Variants in MOB3B observed in about 807,000 individuals in gnomAD.
MOB3B encodes the protein MOB kinase activator-like 2B.
MOB3B carries 7 observed loss-of-function variants against 18.7 expected under a neutral mutation model. That is an observed-to-expected ratio of 0.37 (90% CI 0.21 to 0.70). The LOEUF (loss-of-function observed/expected upper bound fraction) is 0.70. Among genes scored for constraint, MOB3B ranks in the 30% least tolerant of loss-of-function variants. MOB3B has a pLI of 0.52. For missense variants in MOB3B, 253 were observed against 281.3 expected (o/e 0.90, Z 0.72); for synonymous variants, 111 against 99.9 (o/e 1.11, Z -0.66).
intron 2 of MOB3B, among the ~76,000 whole-genome samples, chr9:27,419,702 C>T (rs1822210646): frequency 1.3e-5 from 2 of 152,144 alleles, no homozygotes; most frequent in African/African-American, 4.8e-5. Context: ...TATAAAAATT[C>T]TAGAAGATAA....
At position 27,455,721 on chromosome 9, in the gene MOB3B, G is replaced by A; in HGVS notation, c.-171C>T. ...AGCCCCTTCCATCTTCCTCTTGAAT[G>A]ATTTCCAAGGGAACCTCATGTTCTT... On this transcript the variant is annotated 5_prime_UTR_variant, in exon 2 of 4. Coordinates refer to ENST00000262244, the MANE Select transcript of MOB3B (RefSeq NM_024761.5). 1 of 1,457,592 alleles carries A rather than the reference G, an allele frequency of 6.9e-7. No homozygotes were observed. Among genetic ancestry groups the A allele is most frequent in the East Asian group, 2.4e-5 (1 of 41,472 alleles). The allele number at this position is 1,457,592 out of a possible 1,614,324, so 90.3% of individuals were successfully genotyped here.
At chr9:27,401,135 G>T (rs1045340643) in intron 2 of MOB3B, among the ~76,000 whole-genome samples, 21 of 152,184 alleles carry the variant, frequency 1.4e-4, no homozygotes, top group African/African-American at 5.1e-4. Context: ...GCAGGGGCCG[G>T]GTGCTCCTTT....
At position 27,377,980 on chromosome 9, in the gene MOB3B, C is replaced by T. The variant is rs180672721; in HGVS notation, c.419-18744G>A. Among the ~76,000 whole-genome samples, 18 of 152,338 alleles carry T rather than the reference C, an allele frequency of 1.2e-4. No homozygotes were observed. In the East Asian group the frequency reaches 3.5e-3, roughly 29 times the overall value. On this transcript the variant is annotated intron_variant, in intron 2 of 3. Coordinates refer to ENST00000262244, the MANE Select transcript of MOB3B (RefSeq NM_024761.5). ...GGGGTAAGAAATCATTCACTGTCAC[C>T]TCTCCTTCCCCCAAGAAGCCAACAC... is the stretch of plus-strand genomic sequence containing the variant.
At position 27,400,138 on chromosome 9, in the gene MOB3B, T is replaced by C. The variant is rs116581409; in HGVS notation, c.419-40902A>G. 7.7e-3 allele frequency among the ~76,000 whole-genome samples: 1,169 copies of C among 152,344 alleles called. 16 individuals are homozygous for C. Among genetic ancestry groups the C allele is most frequent in the African/African-American group, 0.026 (1,063 of 41,570 alleles). On this transcript the variant is annotated intron_variant, in intron 2 of 3. Coordinates refer to ENST00000262244, the MANE Select transcript of MOB3B (RefSeq NM_024761.5). ...GAATCCTCATTCCCAAAAAGTGTTT[T>C]TAAAGCCTTTATATTGTTTGGACAT... is the stretch of plus-strand genomic sequence containing the variant.
chr9:27,403,636 G>T (rs1476578087), intron 2 of MOB3B, among the ~76,000 whole-genome samples: 4 of 145,738 alleles, frequency 2.7e-5, no homozygotes, highest in African/African-American at 1.0e-4. Context: ...AGGTTGAAGC[G>T]AACCCAGTTA....
chr9:27,369,121 A>G (rs1423698503), intron 2 of MOB3B, among the ~76,000 whole-genome samples: 1 of 152,204 alleles, frequency 6.6e-6, no homozygotes, highest in Non-Finnish European at 1.5e-5. Context: ...GATGTTAATG[A>G]ACTTCATTGG....
intron 2 of MOB3B, among the ~76,000 whole-genome samples, chr9:27,405,341 C>G (rs1373288394): frequency 1.3e-5 from 2 of 151,984 alleles, no homozygotes; most frequent in African/African-American, 4.8e-5. Context: ...ATCCTGACCT[C>G]ATGATCAGCC....
chr9:27,359,214 GAAGTTC>G lies in MOB3B; in HGVS notation c.435_440del (p.Lys145_Phe147delinsAsn), dbSNP rs1821237111. 6.2e-7 allele frequency: 1 copy of G among 1,614,030 alleles called. No individual in the cohort carries two copies. Among genetic ancestry groups the G allele is most frequent in the Non-Finnish European group, 8.5e-7 (1 of 1,180,032 alleles). ...ACAGGATCTTCTTGCAGATCTGAAG[GAAGTTC>G]TTTGGGAAGGGAACACCTAGAGAAG... On this transcript the variant is annotated inframe_deletion, in exon 3 of 4. Transcript: ENST00000262244.
intron 1 of MOB3B, among the ~76,000 whole-genome samples, chr9:27,508,965 A>G (rs1010271136): frequency 4.6e-5 from 7 of 152,162 alleles, no homozygotes; most frequent in Admixed American, 3.3e-4. Flanking sequence ...CAACTGGAGA[A>G]AGCAAGGTAT....
intron 3 of MOB3B, among the ~76,000 whole-genome samples, chr9:27,342,155 G>A (rs1037181961): frequency 2.0e-4 from 30 of 152,210 alleles, no homozygotes; most frequent in Admixed American, 3.3e-4. Context: ...TTTAGCATGG[G>A]GGTCTTTTCA....
chr9:27,326,818 C>T lies in MOB3B; in HGVS notation c.*3769G>A. ...TCTTCCTAATCATCTCTCCCTTGCA[C>T]CATCACCATGAAATTTTAATACCAC... On this transcript the variant is annotated 3_prime_UTR_variant, in exon 4 of 4. Coordinates refer to ENST00000262244, the MANE Select transcript of MOB3B (RefSeq NM_024761.5). The T allele has an allele frequency of 2.7e-6, 1 of 375,616 alleles. No homozygotes were observed. Among genetic ancestry groups the T allele is most frequent in the Non-Finnish European group, 4.7e-6 (1 of 212,250 alleles). The allele number at this position is 375,616 out of a possible 1,614,324, so 23.3% of individuals were successfully genotyped here. A position where few individuals can be genotyped will look rare whatever the true frequency, so the allele number is the denominator to read the frequency against.
At chr9:27,387,754 G>C (rs1413108148) in intron 2 of MOB3B, among the ~76,000 whole-genome samples, 1 of 152,256 alleles carries the variant, frequency 6.6e-6, no homozygotes, top group African/African-American at 2.4e-5. Flanking sequence ...CACTGACCTG[G>C]ATTAACGTTT....
chr9:27,392,484 A>G (rs1346853400), intron 2 of MOB3B, among the ~76,000 whole-genome samples: 1 of 152,172 alleles, frequency 6.6e-6, no homozygotes, highest in Non-Finnish European at 1.5e-5. Flanking sequence ...GCCTACGTTT[A>G]TGTTGCCAAA....
intron 2 of MOB3B, among the ~76,000 whole-genome samples, chr9:27,432,517 G>A (rs1822432841): frequency 6.6e-6 from 1 of 152,122 alleles, no homozygotes; most frequent in East Asian, 1.9e-4. Flanking sequence ...GCACATGGTA[G>A]GTTTTCCGCA....
chr9:27,448,428 A>G (rs1822727554), intron 2 of MOB3B, among the ~76,000 whole-genome samples: 1 of 152,186 alleles, frequency 6.6e-6, no homozygotes. Flanking sequence ...AGGCCTCACA[A>G]TCATGGTGGA....
At chr9:27,477,982 C>T (rs966253095) in intron 1 of MOB3B, among the ~76,000 whole-genome samples, 2 of 152,128 alleles carry the variant, frequency 1.3e-5, no homozygotes, top group African/African-American at 2.4e-5. Context: ...ACTACCACTG[C>T]TCCAAGTAGC....
chr9:27,453,520 A>T (rs1465206146), intron 2 of MOB3B, among the ~76,000 whole-genome samples: 1 of 152,154 alleles, frequency 6.6e-6, no homozygotes, highest in Admixed American at 6.5e-5. Context: ...CTTCCAAGCA[A>T]AGCCCAAAAC....
At chr9:27,407,391 G>A (rs982008002) in intron 2 of MOB3B, among the ~76,000 whole-genome samples, 8 of 152,140 alleles carry the variant, frequency 5.3e-5, no homozygotes, top group African/African-American at 1.9e-4. Flanking sequence ...TTATAAAGAG[G>A]GTTTGAGTCT....
At chr9:27,368,925 C>T (rs1821377099) in intron 2 of MOB3B, among the ~76,000 whole-genome samples, 1 of 152,180 alleles carries the variant, frequency 6.6e-6, no homozygotes, top group African/African-American at 2.4e-5. Flanking sequence ...AGATGGCTGC[C>T]TTTGTCCCCT....
Sources: gnomAD v4.1 joint callset for allele counts (sites outside exome capture counted in the v4.1 genomes callset) on GRCh38, gnomAD v4.1.1 for gene constraint, MANE v1.5 for transcripts, NCBI Gene and HGNC (gene_info 2026-07-23, HGNC 2026-07-21) for gene names.